TAOK2: variants seen among roughly 807,000 people sequenced by gnomAD.
TAOK2 encodes TAO kinase 2, also known as serine/threonine-protein kinase TAO2.
In TAOK2, 42 loss-of-function variants were observed where a neutral mutation model predicts 122.5. The ratio of observed to expected loss-of-function variants is 0.34; its 90% CI spans 0.27 to 0.44. TAOK2 has a LOEUF of 0.44. Ranked by LOEUF, TAOK2 falls within the 20% of genes least tolerant of loss-of-function variation. The pLI, the probability that TAOK2 is intolerant of heterozygous loss-of-function variation, is 1.00. For missense variants in TAOK2, 1,264 were observed against 1,644.9 expected (o/e 0.77, Z 4.01); for synonymous variants, 704 against 677.6 (o/e 1.04, Z -0.61).
chr16:29,987,966 C>G lies in TAOK2; in HGVS notation c.3694C>G (p.Pro1232Ala). ...ACGCACCCGCCAGTCCCGGGCCCTGCCCCCCTGGAGGTAGCTGACTCCAGC... is the reference window on the plus strand; with the variant it reads ...ACGCACCCGCCAGTCCCGGGCCCTGGCCCCCTGGAGGTAGCTGACTCCAGC... ...RSRTRQSRALPPWR is the reference protein window; with the variant it reads ...RSRTRQSRALAPWR Residue 1232 changes from proline (P) to alanine (A), a missense_variant, in exon 16 of 16, where the codon CCC becomes GCC. By Grantham distance (27) the Pro-to-Ala change is conservative. Transcript: ENST00000308893. The G allele has an allele frequency of 2.6e-6, 4 of 1,538,266 alleles. No individual in the cohort carries two copies. Among genetic ancestry groups the G allele is most frequent in the Non-Finnish European group, 3.5e-6 (4 of 1,147,830 alleles).
intron 11 of TAOK2, 36 bp downstream of exon 11, chr16:29,982,937 C>G (rs1343972183): frequency 6.2e-7 from 1 of 1,610,316 alleles, no homozygotes; most frequent in East Asian, 2.2e-5. Flanking sequence ...TCTTTATACC[C>G]CATGTGTGCC....
chr16:29,977,672 A>T, intron 1 of TAOK2, 66 bp from the exon 2 acceptor site: 1 of 1,444,174 alleles, frequency 6.9e-7, no homozygotes, highest in Non-Finnish European at 9.2e-7. Flanking sequence ...CAGAAACTTG[A>T]TGGGTCCCTT....
chr16:29,988,061 A>C lies in TAOK2; in HGVS notation c.*81A>C. On this transcript the variant is annotated 3_prime_UTR_variant, in exon 16 of 16. Transcript: ENST00000308893. ...ACTCAGTGAAGTTTCTCCAGTCCCTAGTCCTCTCTTTTCACCCACCTTCCT... is the reference window on the plus strand; with the variant it reads ...ACTCAGTGAAGTTTCTCCAGTCCCTCGTCCTCTCTTTTCACCCACCTTCCT... 6.9e-7 allele frequency: 1 copy of C among 1,455,310 alleles called. No individual in the cohort carries two copies. The highest frequency in any genetic ancestry group is 9.0e-7 in the Non-Finnish European group (1 of 1,110,048). 90.1% of individuals were successfully genotyped at this position (1,455,310 alleles called of 1,614,324 possible).
chr16:29,988,695 T>A, downstream of TAOK2: 2 of 985,440 alleles, frequency 2.0e-6, no homozygotes, highest in Middle Eastern at 5.2e-4. Context: ...TCCTCATCCC[T>A]TGCCTTTTCT....
chr16:29,989,476 T>C, downstream of TAOK2: 1 of 1,526,900 alleles, frequency 6.5e-7, no homozygotes, highest in Non-Finnish European at 8.8e-7. Flanking sequence ...TTCTGTCTCC[T>C]CTCCTCTTCT....
At position 29,987,965 on chromosome 16, in the gene TAOK2, G is replaced by GC. The variant is rs2069868222; in HGVS notation, c.3699dup (p.Trp1234LeufsTer16). 2 of 1,539,336 alleles carry GC rather than the reference G, an allele frequency of 1.3e-6. No individual in the cohort carries two copies. The highest frequency in any genetic ancestry group is 1.7e-6 in the Non-Finnish European group (2 of 1,148,344). On this transcript the variant is annotated frameshift_variant, in exon 16 of 16. Transcript: ENST00000308893. LOFTEE classifies it high-confidence loss of function. Reference sequence around the variant, plus strand: ...CACGCACCCGCCAGTCCCGGGCCCTGCCCCCCTGGAGGTAGCTGACTCCAG... The same window carrying GC: ...CACGCACCCGCCAGTCCCGGGCCCTGCCCCCCCTGGAGGTAGCTGACTCCAG...
chr16:29,989,956 AT>A (rs2069928476), downstream of TAOK2: 1 of 694,382 alleles, frequency 1.4e-6, no homozygotes, highest in Non-Finnish European at 2.4e-6. Context: ...CTCCACAATG[AT>A]TTATTTCATA....
downstream of TAOK2, chr16:29,991,694 ACCT>A (rs1445905840): frequency 2.5e-5 from 30 of 1,219,736 alleles, no homozygotes; most frequent in Non-Finnish European, 2.9e-5. This position sits in a 1 kb window ranked among gnomAD's most constrained non-coding sequence, Gnocchi z 5.6. Flanking sequence ...CTCCCCTCAG[ACCT>A]CCTCATCTCA....
chr16:29,987,662 T>C lies in TAOK2; in HGVS notation c.3390T>C (p.Pro1130=), dbSNP rs747589885. 3.3e-5 allele frequency: 53 copies of C among 1,613,668 alleles called. No individual in the cohort carries two copies. The African/African-American group carries it at 5.5e-4, about 17-fold the overall frequency. Residue 1130 remains proline (P), a synonymous_variant, in exon 16 of 16, where the codon CCT becomes CCC. Coordinates refer to ENST00000308893, the MANE Select transcript of TAOK2 (RefSeq NM_016151.4). ...GCTTCCGCAGCCGCCTGCCCGTCCC[T>C]GGGCCCCGGCGGCGTAATCCCCGCA... is the stretch of plus-strand genomic sequence containing the variant. The part of the protein sequence containing the change: ...KDGFRSRLPV[P]GPRRRNPRTT...
intron 10 of TAOK2, 26 bp from the exon 11 acceptor site, chr16:29,982,708 C>T (rs1332214316): frequency 1.2e-6 from 2 of 1,600,302 alleles, no homozygotes; most frequent in East Asian, 2.2e-5. Flanking sequence ...GAGTTGGCAG[C>T]AGACCTCAGT....
At chr16:29,988,638 C>T, downstream of TAOK2, 1 of 985,432 alleles carries the variant, frequency 1.0e-6, no homozygotes, top group Non-Finnish European at 1.2e-6. Context: ...CACAGAGCGC[C>T]TGTTTGCGGG....
downstream of TAOK2, chr16:29,988,724 G>A (rs1391507533): frequency 2.0e-6 from 2 of 985,272 alleles, no homozygotes; most frequent in Non-Finnish European, 2.4e-6. Context: ...TGGCTGCAGG[G>A]GACCAAATTG....
downstream of TAOK2, chr16:29,991,077 G>A: frequency 6.3e-7 from 1 of 1,583,126 alleles, no homozygotes; most frequent in Non-Finnish European, 8.6e-7. This position sits in a 1 kb window ranked among gnomAD's most constrained non-coding sequence, Gnocchi z 5.6. Context: ...CCTGCAGACA[G>A]GACGCTCCGA....
Position 29,983,350 on chromosome 16 carries a change from G to C in TAOK2, c.1260+18G>C. 6.3e-7 allele frequency: 1 copy of C among 1,580,980 alleles called. No individual in the cohort carries two copies. The highest frequency in any genetic ancestry group is 8.6e-7 in the Non-Finnish European group (1 of 1,168,004). On this transcript the variant is annotated intron_variant, in intron 12 of 15. Coordinates refer to ENST00000308893, the MANE Select transcript of TAOK2 (RefSeq NM_016151.4). ...GGCTGCCGGTACACAGCTCACCCTT[G>C]GGGGACCCGAGCCACCTGCTCTAGA...
rs574084395 is a variant in TAOK2, at chr16:29,977,800, C to T, written c.28C>T (p.Leu10=). 8 of 1,614,204 alleles carry T rather than the reference C, an allele frequency of 5.0e-6. No individual in the cohort carries two copies. The African/African-American group carries it at 8.0e-5, about 16-fold the overall frequency. Residue 10 remains leucine, a synonymous_variant, in exon 2 of 16, where the codon CTG becomes TTG. Transcript: ENST00000308893. MPAGGRAGS[L]KDPDVAELFF... ...GCCAGCTGGGGGCCGGGCCGGGAGC[C>T]TGAAGGACCCAGATGTGGCTGAGCT...
chr16:29,977,762 C>T lies in TAOK2; in HGVS notation c.-11C>T, dbSNP rs766578699. 1.2e-6 allele frequency: 2 copies of T among 1,613,880 alleles called. No homozygotes were observed. The highest frequency in any genetic ancestry group is 3.3e-5 in the Admixed American group (2 of 59,998). On this transcript the variant is annotated 5_prime_UTR_variant, in exon 2 of 16. Transcript: ENST00000308893. The stretch of plus-strand genomic sequence containing the variant: ...GGCCAGGCCCCACTCTCAGGGCCCC[C>T]AGGGGCCACCATGCCAGCTGGGGGC...
downstream of TAOK2, chr16:29,988,824 C>T (rs1178366812): frequency 6.1e-6 from 6 of 985,206 alleles, no homozygotes; most frequent in South Asian, 4.7e-5. Context: ...GGCAACCAGG[C>T]GGAGTATGAA....
chr16:29,991,948 G>C (rs1199966232), downstream of TAOK2: 2 of 169,396 alleles, frequency 1.2e-5, no homozygotes, highest in African/African-American at 4.7e-5. The surrounding 1 kb of genome is among the most constrained non-coding windows in gnomAD (Gnocchi z 5.6). Flanking sequence ...ACCTGCCACA[G>C]GGCAGAGCAG....
rs773095781 is a variant in TAOK2 at position 29,982,793 on chromosome 16, C to A, written c.891C>A (p.Thr297=). ...TCATCATGGACCTGATCCAGAGGAC[C>A]AAGGATGCCGTGCGGGAGCTGGACA... ...PTVIMDLIQR[T]KDAVRELDNL... The change falls in exon 11 of 16, where the codon ACC becomes ACA. Residue 297 remains threonine (T), a synonymous_variant. Coordinates refer to ENST00000308893, the MANE Select transcript of TAOK2 (RefSeq NM_016151.4). The A allele has an allele frequency of 6.2e-7, 1 of 1,614,030 alleles. No homozygotes were observed. Among genetic ancestry groups the A allele is most frequent in the Non-Finnish European group, 8.5e-7 (1 of 1,179,952 alleles).
Sources: allele counts gnomAD v4.1 joint callset, GRCh38; gene constraint gnomAD v4.1.1; non-coding constraint Gnocchi (gnomAD v3.1); transcripts MANE v1.5; gene names NCBI Gene and HGNC (gene_info 2026-07-23, HGNC 2026-07-21).